The following GEMIN5 variants were observed in gnomAD, a reference collection of about 807,000 sequenced individuals.
The protein encoded by GEMIN5 is gem-associated protein 5.
In GEMIN5, 124 loss-of-function variants were observed where a neutral mutation model predicts 176.9. The ratio of observed to expected loss-of-function variants is 0.70; its 90% CI spans 0.61 to 0.81. The LOEUF (loss-of-function observed/expected upper bound fraction) is 0.81. Among genes scored for constraint, GEMIN5 ranks in the 40% least tolerant of loss-of-function variants. GEMIN5 has a pLI of 0.00. For synonymous variants in GEMIN5, 673 were observed against 665.2 expected, an observed-to-expected ratio of 1.01 and a Z score of -0.18; for missense variants, 1,843 against 1,814.6, an observed-to-expected ratio of 1.02 and a Z score of -0.28.
At chr5:154,897,904 TTTTTTTTGTG>T (rs1300820467) in intron 23 of GEMIN5, among the ~76,000 whole-genome samples, 9 of 123,476 alleles carry the variant, frequency 7.3e-5, no homozygotes, top group Non-Finnish European at 6.7e-5. Context: ...ACTAAGGTGT[TTTTTTTTGTG>T]TTTTTTTTTT....
At chr5:154,894,494 G>C (rs570994602) in intron 24 of GEMIN5, among the ~76,000 whole-genome samples, 53 of 152,156 alleles carry the variant, frequency 3.5e-4, no homozygotes, top group Non-Finnish European at 5.9e-4. Flanking sequence ...TGCCTGGCCA[G>C]GCGTGATGGC....
In GEMIN5 at chr5:154,937,946, G is replaced by A. The variant is rs995136392; in HGVS notation, c.166+22C>T. On this transcript the variant is annotated intron_variant, in intron 1 of 27. Transcript: ENST00000285873. Reference sequence around the variant, plus strand: ...GAGCGTACAAAGGGCAGTAAGTCTCGGGCCCAAGGGTGGTGAGTTACCTCG... The same window carrying A: ...GAGCGTACAAAGGGCAGTAAGTCTCAGGCCCAAGGGTGGTGAGTTACCTCG... The A allele has an allele frequency of 6.5e-6, 10 of 1,544,954 alleles. No homozygotes were observed. In the Admixed American group the frequency reaches 1.0e-4, roughly 16 times the overall value.
intron 13 of GEMIN5, 57 bp from the exon 14 acceptor site, chr5:154,913,095 A>T: frequency 7.0e-7 from 1 of 1,430,098 alleles, no homozygotes. Context: ...AAAACAAAAC[A>T]AAGTACATCC....
Position 154,891,229 on chromosome 5 carries a change from C to T in GEMIN5, c.4262+12G>A. ...ATTTTTCATTCCGTCTTGTACTTGC[C>T]TCAGTACTTACCACTGGCTCTGAGA... is the stretch of plus-strand genomic sequence containing the variant. On this transcript the variant is annotated intron_variant, in intron 26 of 27. Coordinates refer to ENST00000285873, the MANE Select transcript of GEMIN5 (RefSeq NM_015465.5). 1.2e-6 allele frequency: 2 copies of T among 1,609,602 alleles called. No homozygotes were observed. The highest frequency in any genetic ancestry group is 1.3e-5 in the African/African-American group (1 of 74,734).
At chr5:154,910,959 A>C (rs1477823911) in intron 15 of GEMIN5, among the ~76,000 whole-genome samples, 12 of 152,054 alleles carry the variant, frequency 7.9e-5, no homozygotes, top group Admixed American at 6.5e-4. Context: ...CGGCCTCCCA[A>C]AGTGCTGGGA....
intron 5 of GEMIN5, among the ~76,000 whole-genome samples, chr5:154,929,964 T>C (rs1764126513): frequency 6.6e-6 from 1 of 152,248 alleles, no homozygotes; most frequent in Non-Finnish European, 1.5e-5. Context: ...GTGTGTGAGA[T>C]ATGAGTTCTA....
chr5:154,901,127 A>G (rs1010395553), intron 21 of GEMIN5, among the ~76,000 whole-genome samples: 5 of 152,188 alleles, frequency 3.3e-5, no homozygotes, highest in African/African-American at 1.2e-4. Context: ...GGAGTTGGCA[A>G]TCAGCTTGGA....
At chr5:154,932,989 C>A (rs945967226) in intron 3 of GEMIN5, among the ~76,000 whole-genome samples, 4 of 152,230 alleles carry the variant, frequency 2.6e-5, no homozygotes, top group African/African-American at 9.6e-5. Flanking sequence ...TCTAGACCTG[C>A]ATATTCCAAG....
chr5:154,934,397 G>T (rs1344633205), intron 3 of GEMIN5, among the ~76,000 whole-genome samples: 1 of 152,120 alleles, frequency 6.6e-6, no homozygotes, highest in Admixed American at 6.6e-5. Context: ...TGCTGGTCTT[G>T]AACTCCCAAC....
chr5:154,930,311 T>C (rs1221031233), intron 5 of GEMIN5, among the ~76,000 whole-genome samples: 1 of 152,232 alleles, frequency 6.6e-6, no homozygotes, highest in Non-Finnish European at 1.5e-5. Context: ...TCCCCTCCGT[T>C]GTCCAAGTGT....
chr5:154,935,841 C>G lies in GEMIN5; in HGVS notation c.509G>C (p.Gly170Ala). The G allele has an allele frequency of 6.2e-7, 1 of 1,607,002 alleles. No individual in the cohort carries two copies. Among genetic ancestry groups the G allele is most frequent in the Non-Finnish European group, 8.5e-7 (1 of 1,174,074 alleles). ...TCAATACAGATGGCATAGTACTTAC[C>G]CAATGGCTACTAAATCTTCATGATG... is the stretch of plus-strand genomic sequence containing the variant. Reference protein sequence around the residue: ...SPHHEDLVAIGYKDGIVVIID... With the variant: ...SPHHEDLVAIAYKDGIVVIID... Residue 170 changes from glycine (G) to alanine (A), a missense_variant and splice_region_variant, in exon 3 of 28, where the codon GGC (glycine) becomes GCC (alanine). Coordinates refer to ENST00000285873, the MANE Select transcript of GEMIN5 (RefSeq NM_015465.5).
chr5:154,936,938 A>T (rs1027562543), intron 2 of GEMIN5, 87 bp downstream of exon 2: 11 of 1,001,238 alleles, frequency 1.1e-5, no homozygotes, highest in Non-Finnish European at 1.6e-5. Flanking sequence ...TACTTTGCAC[A>T]GATGAGCTAG....
rs1763249949 is a variant in GEMIN5 at position 154,892,438 on chromosome 5, A to C, written c.3709T>G (p.Ser1237Ala). The C allele has an allele frequency of 6.2e-7, 1 of 1,614,030 alleles. No individual in the cohort carries two copies. The highest frequency in any genetic ancestry group is 1.1e-5 in the South Asian group (1 of 91,074). ...TCCTGCATGATGGTGAAGCTCCCTG[A>C]GTCATAGCTCCGGACCACCGCCCGA... ...LLRAVVRSYD[S>A]GSFTIMQEVY... The change falls in exon 25 of 28, where the codon TCA becomes GCA. Residue 1237 changes from serine to alanine, a missense_variant. Coordinates refer to ENST00000285873, the MANE Select transcript of GEMIN5 (RefSeq NM_015465.5).
At chr5:154,899,155 C>T in intron 22 of GEMIN5, 36 bp downstream of exon 22, 2 of 1,576,924 alleles carry the variant, frequency 1.3e-6, no homozygotes, top group Non-Finnish European at 1.7e-6. Flanking sequence ...AGAAGCTCTC[C>T]TATGTTGGAA....
intron 22 of GEMIN5, 77 bp downstream of exon 22, chr5:154,899,114 T>C (rs1247316197): frequency 5.0e-6 from 7 of 1,404,904 alleles, no homozygotes; most frequent in Non-Finnish European, 9.7e-7. Context: ...TCTAAACTTA[T>C]TACTTGTATT....
Position 154,912,932 on chromosome 5 carries a change from C to T in GEMIN5, c.1962G>A (p.Arg654=). 6.2e-7 allele frequency: 1 copy of T among 1,613,844 alleles called. No homozygotes were observed. Among genetic ancestry groups the T allele is most frequent in the Non-Finnish European group, 8.5e-7 (1 of 1,179,774 alleles). ...TACCATCATAGGAAGCAGATACCAG[C>T]CTTCCATCATGATGTGGGCTCCACG... ...SVAWSPHHDG[R]LVSASYDGTA... The change falls in exon 14 of 28, where the codon AGG becomes AGA. Residue 654 remains arginine (R), a synonymous_variant. Transcript: ENST00000285873.
At chr5:154,900,024 C>T (rs1424404574) in intron 21 of GEMIN5, among the ~76,000 whole-genome samples, 6 of 151,752 alleles carry the variant, frequency 4.0e-5, no homozygotes, top group Admixed American at 2.6e-4. Flanking sequence ...GTAGGCCTAT[C>T]ACTTCATTAA....
In GEMIN5 at chr5:154,888,377, C is replaced by T; in HGVS notation, c.4360G>A (p.Ala1454Thr). 6.2e-7 allele frequency: 1 copy of T among 1,612,154 alleles called. No homozygotes were observed. The highest frequency in any genetic ancestry group is 8.5e-7 in the Non-Finnish European group (1 of 1,179,146). Residue 1454 changes from alanine (A) to threonine (T), a missense_variant and splice_region_variant, in exon 28 of 28, where the codon GCC becomes ACC. Physicochemically the swap from Ala to Thr is moderately conservative, Grantham distance 58. Coordinates refer to ENST00000285873, the MANE Select transcript of GEMIN5 (RefSeq NM_015465.5). ...RMAKFPESIK[A>T]WPFPDVLECC... ...TCCAGCACATCTGGGAAGGGCCAGG[C>T]CTGAAAGACGATGACATGAGGATGA...
At chr5:154,926,947 G>C (rs1285125834) in intron 7 of GEMIN5, among the ~76,000 whole-genome samples, 2 of 152,086 alleles carry the variant, frequency 1.3e-5, no homozygotes, top group Admixed American at 6.6e-5. Context: ...CTACTCGAGA[G>C]GCTGAGGCAG....
Sources: allele counts gnomAD v4.1 joint callset (sites outside exome capture counted in the v4.1 genomes callset), GRCh38; gene constraint gnomAD v4.1.1; transcripts MANE v1.5; gene names NCBI Gene and HGNC (gene_info 2026-07-23, HGNC 2026-07-21).